CACNA2D1: variants seen among roughly 807,000 people sequenced by gnomAD.
CACNA2D1 encodes the protein calcium voltage-gated channel auxiliary subunit alpha2delta 1.
CACNA2D1 carries 53 observed loss-of-function variants against 171.5 expected under a neutral mutation model. The ratio of observed to expected loss-of-function variants is 0.31; its 90% CI spans 0.25 to 0.39. The LOEUF is 0.39. Among genes scored for constraint, CACNA2D1 ranks in the 10% least tolerant of loss-of-function variants. The probability of loss-of-function intolerance (pLI) is 1.00; values close to 1 mark genes in which losing one functional copy is unlikely to be tolerated. For synonymous variants in CACNA2D1, 442 were observed against 443.1 expected (o/e 1.00, Z 0.03); for missense variants, 903 against 1,299.8 (o/e 0.69, Z 4.69).
intron 6 of CACNA2D1, among the ~76,000 whole-genome samples, chr7:82,110,942 C>T (rs190911524): frequency 1.3e-5 from 2 of 152,134 alleles, no homozygotes; most frequent in Non-Finnish European, 2.9e-5. Context: ...CACTCCCCTC[C>T]AATAGAATGC....
At chr7:82,068,347 C>T (rs1312992276) in intron 7 of CACNA2D1, among the ~76,000 whole-genome samples, 1 of 152,086 alleles carries the variant, frequency 6.6e-6, no homozygotes, top group African/African-American at 2.4e-5. Context: ...ATCAGTGTGG[C>T]ATAACAGTGA....
chr7:82,248,025 T>C (rs1226854469), intron 3 of CACNA2D1, among the ~76,000 whole-genome samples: 1 of 152,180 alleles, frequency 6.6e-6, no homozygotes, highest in Admixed American at 6.6e-5. Context: ...GCCACCTATC[T>C]ACCACCTTTA....
At chr7:82,389,532 G>T (rs897763994) in intron 1 of CACNA2D1, among the ~76,000 whole-genome samples, 1 of 152,068 alleles carries the variant, frequency 6.6e-6, no homozygotes, top group African/African-American at 2.4e-5. Context: ...AATGCTAAAT[G>T]GTATGAGGTG....
chr7:82,077,622 A>G (rs1415889284), intron 7 of CACNA2D1, among the ~76,000 whole-genome samples: 2 of 152,224 alleles, frequency 1.3e-5, no homozygotes, highest in African/African-American at 4.8e-5. Context: ...GTAGCTAGTA[A>G]GAGTCCTAAC....
chr7:82,014,355 A>G (rs751593152), intron 13 of CACNA2D1, 46 bp downstream of exon 13: 5 of 1,042,292 alleles, frequency 4.8e-6, no homozygotes, highest in African/African-American at 3.1e-5. Context: ...AACAACTACC[A>G]AAATAGTTTT....
rs116118381 is a variant in CACNA2D1 at position 82,091,603 on chromosome 7, T to A, written c.527-6703A>T. 5.2e-3 allele frequency among the ~76,000 whole-genome samples: 796 copies of A among 152,288 alleles called. 5 individuals are homozygous for A. Among genetic ancestry groups the A allele is most frequent in the African/African-American group, 0.018 (747 of 41,552 alleles). On this transcript the variant is annotated intron_variant, in intron 6 of 38. Coordinates refer to ENST00000356860, the MANE Select transcript of CACNA2D1 (RefSeq NM_000722.4). ...GAATAGAAGACACTAGTATCTAATA[T>A]CATGTCTACTAATTGAATGATTTAA...
intron 6 of CACNA2D1, among the ~76,000 whole-genome samples, chr7:82,097,436 T>C (rs1008807185): frequency 6.6e-6 from 1 of 151,986 alleles, no homozygotes; most frequent in East Asian, 1.9e-4. Flanking sequence ...GTGGTGGATA[T>C]AGAGAGTGGA....
At chr7:81,969,012 A>G (rs1453931112) in intron 28 of CACNA2D1, 39 bp from the exon 29 acceptor site, 1 of 1,062,880 alleles carries the variant, frequency 9.4e-7, no homozygotes, top group East Asian at 2.5e-5. Context: ...CTATCAAGAT[A>G]TATTGAATAA....
At chr7:82,122,859 A>C (rs1247593272) in intron 5 of CACNA2D1, among the ~76,000 whole-genome samples, 1 of 152,254 alleles carries the variant, frequency 6.6e-6, no homozygotes, top group Non-Finnish European at 1.5e-5. Context: ...ATTATGATAC[A>C]CAAATATACT....
Position 82,392,708 on chromosome 7 carries a change from T to C in CACNA2D1, c.96-43059A>G, listed in dbSNP as rs571405137. ...TCAATCATTAACAGTTTAGAATGAATGAATGTATTAACATGATTGGAGAAT... is the reference window on the plus strand; with the variant it reads ...TCAATCATTAACAGTTTAGAATGAACGAATGTATTAACATGATTGGAGAAT... On this transcript the variant is annotated intron_variant, in intron 1 of 38. Coordinates refer to ENST00000356860, the MANE Select transcript of CACNA2D1 (RefSeq NM_000722.4). Among the ~76,000 whole-genome samples the C allele has an allele frequency of 2.5e-4, 38 of 152,266 alleles. 1 individual carries two copies. The highest frequency in any genetic ancestry group is 2.3e-3 in the Admixed American group (35 of 15,302).
chr7:82,116,755 G>C (rs1161130092), intron 6 of CACNA2D1, among the ~76,000 whole-genome samples: 1 of 152,176 alleles, frequency 6.6e-6, no homozygotes, highest in Non-Finnish European at 1.5e-5. Flanking sequence ...TACTTTGTAA[G>C]TTATGGGTGG....
At chr7:82,331,704 A>C (rs984075508) in intron 3 of CACNA2D1, among the ~76,000 whole-genome samples, 1 of 152,224 alleles carries the variant, frequency 6.6e-6, no homozygotes, top group African/African-American at 2.4e-5. Context: ...ATGAGAAATA[A>C]GAAAGAAAGT....
Position 81,983,354 on chromosome 7 carries a change from A to G in CACNA2D1, c.1874-20T>C, listed in dbSNP as rs1207863835. ...TTTTTGCTGTGAAAATCCATCAGAA[A>G]GAGAAAGCAGGGAAACAAAAAAAAA... On this transcript the variant is annotated intron_variant, in intron 22 of 38. Coordinates refer to ENST00000356860, the MANE Select transcript of CACNA2D1 (RefSeq NM_000722.4). 1 of 1,605,740 alleles carries G rather than the reference A, an allele frequency of 6.2e-7. No homozygotes were observed. The highest frequency in any genetic ancestry group is 1.3e-5 in the African/African-American group (1 of 74,850).
intron 12 of CACNA2D1, among the ~76,000 whole-genome samples, chr7:82,023,682 T>A (rs1801531182): frequency 6.6e-6 from 1 of 151,632 alleles, no homozygotes; most frequent in Non-Finnish European, 1.5e-5. Flanking sequence ...CATCCTATGG[T>A]GAGATCTACC....
chr7:82,434,079 G>A (rs1829925188), intron 1 of CACNA2D1, among the ~76,000 whole-genome samples: 1 of 152,180 alleles, frequency 6.6e-6, no homozygotes. Flanking sequence ...GAGCACTGGA[G>A]GCAGATAATG....
chr7:82,226,686 G>A (rs756211777), intron 3 of CACNA2D1, among the ~76,000 whole-genome samples: 3 of 152,088 alleles, frequency 2.0e-5, no homozygotes, highest in Non-Finnish European at 4.4e-5. Context: ...ATATCCTATA[G>A]GAAGAAGAAA....
intron 1 of CACNA2D1, among the ~76,000 whole-genome samples, chr7:82,430,862 A>T (rs1324836001): frequency 6.6e-6 from 1 of 152,236 alleles, no homozygotes; most frequent in African/African-American, 2.4e-5. Context: ...TTGCATTATT[A>T]ACTTTCAGAT....
At chr7:82,127,887 T>C (rs1394906335) in intron 5 of CACNA2D1, among the ~76,000 whole-genome samples, 1 of 152,134 alleles carries the variant, frequency 6.6e-6, no homozygotes, top group Non-Finnish European at 1.5e-5. Context: ...TCCAATAATT[T>C]ATCCCAGTTA....
chr7:82,111,503 A>T (rs1329823237), intron 6 of CACNA2D1, among the ~76,000 whole-genome samples: 1 of 135,100 alleles, frequency 7.4e-6, no homozygotes, highest in African/African-American at 2.8e-5. Flanking sequence ...ACTGGAGTGC[A>T]GTGGCACAAT....
Sources: gnomAD v4.1 joint callset for allele counts (sites outside exome capture counted in the v4.1 genomes callset) on GRCh38, gnomAD v4.1.1 for gene constraint, MANE v1.5 for transcripts, NCBI Gene and HGNC (gene_info 2026-07-23, HGNC 2026-07-21) for gene names.